LINGO2: variants seen among roughly 807,000 people sequenced by gnomAD.
LINGO2 encodes the protein leucine rich repeat and Ig domain containing 2.
A neutral mutation model predicts 30.6 loss-of-function variants in LINGO2; 14 were observed. The observed-to-expected ratio is 0.46, with a 90% confidence interval of 0.30 to 0.72. The LOEUF (loss-of-function observed/expected upper bound fraction) is 0.72, where lower values mean the gene tolerates loss of function less well. Ranked by LOEUF, LINGO2 falls within the 30% of genes least tolerant of loss-of-function variation. The pLI is 0.07. For missense variants in LINGO2, 729 were observed against 751.7 expected, an observed-to-expected ratio of 0.97 and a Z score of 0.35; for synonymous variants, 317 against 288.5, an observed-to-expected ratio of 1.10 and a Z score of -1.00.
the LINGO2 span, among the ~76,000 whole-genome samples, chr9:29,087,365 T>C: frequency 1.3e-5 from 2 of 152,190 alleles, no homozygotes; most frequent in Non-Finnish European, 2.9e-5. Context: ...CTGGTACACA[T>C]TAAGCCGCTA....
intron 4 of LINGO2, among the ~76,000 whole-genome samples, chr9:28,214,869 T>C (rs1820711095): frequency 6.6e-6 from 1 of 151,698 alleles, no homozygotes; most frequent in Admixed American, 6.6e-5. Flanking sequence ...AATCTTTCTA[T>C]AAAATGTAAT....
At chr9:28,618,997 A>C (rs1032688718) in intron 1 of LINGO2, among the ~76,000 whole-genome samples, 1 of 152,160 alleles carries the variant, frequency 6.6e-6, no homozygotes, top group Non-Finnish European at 1.5e-5. Flanking sequence ...GCAAAATAAG[A>C]CTTCGTAAAT....
chr9:27,972,491 G>A (rs140666379), intron 5 of LINGO2, among the ~76,000 whole-genome samples: 17 of 152,244 alleles, frequency 1.1e-4, no homozygotes, highest in East Asian at 3.9e-4. Context: ...ACCTCAGTCC[G>A]TCATGAACAA....
chr9:28,175,284 G>T (rs1828719407), intron 4 of LINGO2, among the ~76,000 whole-genome samples: 1 of 152,046 alleles, frequency 6.6e-6, no homozygotes, highest in Non-Finnish European at 1.5e-5. Context: ...GGCAAATGCA[G>T]GTGATCTTCA....
intron 5 of LINGO2, among the ~76,000 whole-genome samples, chr9:27,996,497 A>G (rs1026979830): frequency 1.3e-5 from 2 of 152,198 alleles, no homozygotes; most frequent in African/African-American, 4.8e-5. Flanking sequence ...ATGGAACTGG[A>G]GGATATCATA....
chr9:28,651,166 G>C (rs1215119315), intron 1 of LINGO2, among the ~76,000 whole-genome samples: 1 of 148,830 alleles, frequency 6.7e-6, no homozygotes, highest in Non-Finnish European at 1.5e-5. Context: ...CTGGGCGACA[G>C]AGCAAGACTC....
At chr9:28,598,418 C>CAAAAAAAAAA (rs766825127) in intron 1 of LINGO2, among the ~76,000 whole-genome samples, 2 of 109,040 alleles carry the variant, frequency 1.8e-5, no homozygotes, top group Non-Finnish European at 3.7e-5. Flanking sequence ...TTCTCCATAT[C>CAAAAAAAAAA]AAAAAAAAAA....
At chr9:28,753,241 T>G in the LINGO2 span, among the ~76,000 whole-genome samples, 19 of 152,178 alleles carry the variant, frequency 1.2e-4, no homozygotes, top group South Asian at 6.2e-4. Flanking sequence ...GATCTAGAGC[T>G]GCAGTTTTGC....
intron 4 of LINGO2, among the ~76,000 whole-genome samples, chr9:28,050,352 T>C (rs929655143): frequency 6.6e-6 from 1 of 150,702 alleles, no homozygotes; most frequent in East Asian, 2.0e-4. Context: ...TAAAGCCCCA[T>C]ATCTGGAGTC....
At chr9:28,247,263 G>A (rs1436311261) in intron 4 of LINGO2, among the ~76,000 whole-genome samples, 1 of 152,028 alleles carries the variant, frequency 6.6e-6, no homozygotes, top group Non-Finnish European at 1.5e-5. Context: ...TATACCCAAA[G>A]GAATATAAAT....
intron 1 of LINGO2, among the ~76,000 whole-genome samples, chr9:28,494,260 C>T (rs1246317623): frequency 6.6e-6 from 1 of 151,942 alleles, no homozygotes; most frequent in East Asian, 1.9e-4. Context: ...GGTACATGTA[C>T]ACAACTTGCA....
intron 4 of LINGO2, among the ~76,000 whole-genome samples, chr9:28,075,158 T>C (rs1825587180): frequency 6.6e-6 from 1 of 151,940 alleles, no homozygotes; most frequent in South Asian, 2.1e-4. Flanking sequence ...CATATGTATG[T>C]GGCTTGAAAT....
chr9:28,237,506 T>C (rs1050546178), intron 4 of LINGO2, among the ~76,000 whole-genome samples: 4 of 152,026 alleles, frequency 2.6e-5, no homozygotes, highest in Admixed American at 6.6e-5. Context: ...AAAGATAGAT[T>C]GGCTGAATGG....
At chr9:29,115,455 C>T in the LINGO2 span, among the ~76,000 whole-genome samples, 1 of 151,848 alleles carries the variant, frequency 6.6e-6, no homozygotes, top group Non-Finnish European at 1.5e-5. Context: ...TCCAGCAAAC[C>T]ACTCAAATTT....
chr9:28,367,345 T>C (rs1820717745), intron 3 of LINGO2, among the ~76,000 whole-genome samples: 1 of 152,170 alleles, frequency 6.6e-6, no homozygotes, highest in African/African-American at 2.4e-5. Flanking sequence ...TTGAACTGTA[T>C]TTGGTTTTAA....
chr9:28,156,426 C>T (rs1438450884), intron 4 of LINGO2, among the ~76,000 whole-genome samples: 1 of 152,200 alleles, frequency 6.6e-6, no homozygotes, highest in African/African-American at 2.4e-5. Context: ...TATTGACTCT[C>T]ATTCTATCAC....
intron 1 of LINGO2, among the ~76,000 whole-genome samples, chr9:28,572,924 C>A (rs986249847): frequency 6.6e-6 from 1 of 152,040 alleles, no homozygotes; most frequent in African/African-American, 2.4e-5. Context: ...TATAAAGATG[C>A]CATTTTACTG....
the LINGO2 span, among the ~76,000 whole-genome samples, chr9:28,937,404 T>C: frequency 6.6e-6 from 1 of 152,184 alleles, no homozygotes; most frequent in African/African-American, 2.4e-5. Flanking sequence ...AGGAAAGACA[T>C]TATTGTTCCA....
chr9:28,541,056 C>T (rs12001005), intron 1 of LINGO2, among the ~76,000 whole-genome samples: 9,511 of 152,074 alleles, frequency 0.063, 554 homozygotes, highest in African/African-American at 0.15. Context: ...AAGTTTAAAA[C>T]AGAAAGGAAC....
Sources: gnomAD v4.1 joint callset for allele counts (sites outside exome capture counted in the v4.1 genomes callset) on GRCh38, gnomAD v4.1.1 for gene constraint, MANE v1.5 for transcripts, NCBI Gene and HGNC (gene_info 2026-07-23, HGNC 2026-07-21) for gene names.